Variants in UBR1 observed in about 807,000 individuals in gnomAD.
The protein encoded by UBR1 is E3 ubiquitin-protein ligase UBR1.
In UBR1, 102 loss-of-function variants were observed where a neutral mutation model predicts 242.1. That is an observed-to-expected ratio of 0.42 (90% CI 0.36 to 0.50). UBR1 has a LOEUF of 0.50. Ranked by LOEUF, UBR1 falls within the 20% of genes least tolerant of loss-of-function variation. The pLI is 0.01. For synonymous variants in UBR1, 675 were observed against 684.8 expected (o/e 0.99, Z 0.22); for missense variants, 1,772 against 2,101.8 (o/e 0.84, Z 3.07).
chr15:43,027,686 C>A (rs1308012507), intron 22 of UBR1, 90 bp downstream of exon 22: 3 of 1,239,756 alleles, frequency 2.4e-6, no homozygotes, highest in South Asian at 1.2e-5. Context: ...GGAGTTCAGG[C>A]AAGAACTTCA....
intron 3 of UBR1, among the ~76,000 whole-genome samples, chr15:43,076,813 G>C (rs1399196485): frequency 1.7e-5 from 2 of 120,516 alleles, no homozygotes; most frequent in East Asian, 2.4e-4. Flanking sequence ...CGCCCCGTCC[G>C]GGAGGTGAGG....
chr15:43,097,088 T>C (rs1031269990), intron 1 of UBR1, among the ~76,000 whole-genome samples: 2 of 152,166 alleles, frequency 1.3e-5, no homozygotes, highest in African/African-American at 4.8e-5. Context: ...GAGTTGAGAG[T>C]TGCAATTACT....
chr15:43,065,021 T>C (rs948685196), intron 6 of UBR1, among the ~76,000 whole-genome samples: 8 of 152,214 alleles, frequency 5.3e-5, no homozygotes, highest in African/African-American at 1.4e-4. Context: ...GGTATAAATA[T>C]ATATTTAATA....
rs552370643 is a variant in UBR1 at position 42,963,492 on chromosome 15, T to C, written c.4700+443A>G. On this transcript the variant is annotated intron_variant, in intron 42 of 46. Transcript: ENST00000290650. ...TCTGAAAGAAGGACACATTTCTCTC[T>C]TGGAAATTTAACTGAAGTATTTTTT... Among the ~76,000 whole-genome samples the C allele has an allele frequency of 1.1e-3, 162 of 152,152 alleles. 1 individual carries two copies. The highest frequency in any genetic ancestry group is 1.4e-3 in the Non-Finnish European group (95 of 68,024).
In UBR1 at chr15:43,070,248, TAAAAA is replaced by T. The variant is rs746635905; in HGVS notation, c.659+542_659+546del. Among the ~76,000 whole-genome samples the T allele has an allele frequency of 6.9e-3, 174 of 25,248 alleles. 2 individuals are homozygous for T. The East Asian group carries it at 0.12, about 17-fold the overall frequency. 16.6% of individuals were successfully genotyped at this position (25,248 alleles called of 152,430 possible). ...CTACCAGAAATTGCTGAGTTCTAGC[TAAAAA>T]AAAAAAAAAAAAAAAAAAAAAGCTA... is the stretch of plus-strand genomic sequence containing the variant. On this transcript the variant is annotated intron_variant, in intron 5 of 46. Coordinates refer to ENST00000290650, the MANE Select transcript of UBR1 (RefSeq NM_174916.3).
intron 20 of UBR1, among the ~76,000 whole-genome samples, chr15:43,031,789 A>C (rs1955148119): frequency 6.6e-6 from 1 of 152,172 alleles, no homozygotes; most frequent in Non-Finnish European, 1.5e-5. Context: ...TTGGGAGGCC[A>C]AGGCAGGCAG....
Position 43,105,986 on chromosome 15 carries a change from C to G in UBR1, c.37G>C (p.Glu13Gln). ...GTCTGGGGTAACTCCGCGCTGATTT[C>G]CATCCTCTCAGTACCTCCAGCCTCC... ...DEEAGGTERMEISAELPQTPQ... is the reference protein window; with the variant it reads ...DEEAGGTERMQISAELPQTPQ... Residue 13 changes from glutamate to glutamine, a missense_variant, in exon 1 of 47, where the codon GAA (glutamate) becomes CAA (glutamine). Physicochemically the swap from Glu to Gln is conservative, Grantham distance 29. Transcript: ENST00000290650. The G allele has an allele frequency of 6.2e-7, 1 of 1,614,046 alleles. No individual in the cohort carries two copies. Among genetic ancestry groups the G allele is most frequent in the Non-Finnish European group, 8.5e-7 (1 of 1,180,010 alleles).
chr15:43,055,611 T>C (rs1355472386), intron 11 of UBR1, among the ~76,000 whole-genome samples: 1 of 152,116 alleles, frequency 6.6e-6, no homozygotes, highest in Non-Finnish European at 1.5e-5. Context: ...AACTATCTAA[T>C]TCCAGACAAG....
rs1373216594 is a variant in UBR1, at chr15:42,943,180, T to C, written c.*2149A>G. 2.0e-5 allele frequency: 3 copies of C among 152,550 alleles called. No homozygotes were observed. The highest frequency in any genetic ancestry group is 2.9e-5 in the Non-Finnish European group (2 of 68,034). The allele number at this position is 152,550 out of a possible 1,614,324, so 9.4% of individuals were successfully genotyped here. The stretch of plus-strand genomic sequence containing the variant: ...ATATAATAAATTAATTATACAGATA[T>C]ATTTTTCTTCACCATATCATTAAAA... On this transcript the variant is annotated 3_prime_UTR_variant, in exon 47 of 47. Transcript: ENST00000290650.
chr15:43,064,358 T>C (rs952210394), intron 6 of UBR1, among the ~76,000 whole-genome samples: 2 of 152,200 alleles, frequency 1.3e-5, no homozygotes, highest in African/African-American at 4.8e-5. Context: ...GCTTTTCTGG[T>C]TTGTTCAATA....
At position 43,060,073 on chromosome 15, in the gene UBR1, C is replaced by A; in HGVS notation, c.840G>T (p.Gln280His). The A allele has an allele frequency of 6.2e-7, 1 of 1,614,060 alleles. No homozygotes were observed. Among genetic ancestry groups the A allele is most frequent in the Non-Finnish European group, 8.5e-7 (1 of 1,180,008 alleles). The change falls in exon 7 of 47, where the codon CAG (glutamine) becomes CAT (histidine). Residue 280 changes from glutamine (Q) to histidine (H), a missense_variant. By Grantham distance (24) the Gln-to-His change is conservative. Coordinates refer to ENST00000290650, the MANE Select transcript of UBR1 (RefSeq NM_174916.3). ...AVKAGAYAAC[Q>H]EAKEDIKSHS... ...TTACCTTTATATCTTCCTTTGCTTC[C>A]TGGCAAGCAGCATAAGCTCCCGCTT...
intron 14 of UBR1, among the ~76,000 whole-genome samples, chr15:43,046,468 T>C (rs937884596): frequency 2.6e-5 from 4 of 152,146 alleles, no homozygotes; most frequent in Admixed American, 6.6e-5. Flanking sequence ...GTCCAGATAA[T>C]TCAGGAAGCT....
chr15:43,002,593 C>T lies in UBR1; in HGVS notation c.3621G>A (p.Val1207=). 1 of 1,614,104 alleles carries T rather than the reference C, an allele frequency of 6.2e-7. No homozygotes were observed. The highest frequency in any genetic ancestry group is 1.1e-5 in the South Asian group (1 of 91,080). The part of the protein sequence containing the change: ...CPLCKSLCNT[V]IPIIPLQPQK... ...GAGGTTGCAAAGGAATAATGGGGAT[C>T]ACAGTATTGCACAGAGATTTGCAAA... is the stretch of plus-strand genomic sequence containing the variant. Residue 1207 remains valine, a synonymous_variant, in exon 32 of 47, where the codon GTG becomes GTA. Coordinates refer to ENST00000290650, the MANE Select transcript of UBR1 (RefSeq NM_174916.3).
intron 5 of UBR1, among the ~76,000 whole-genome samples, chr15:43,069,861 T>C (rs2033802745): frequency 6.6e-6 from 1 of 152,186 alleles, no homozygotes. Context: ...CAACATAAAG[T>C]GACTTAAAAG....
At chr15:43,075,794 T>C (rs2033881283) in intron 3 of UBR1, among the ~76,000 whole-genome samples, 1 of 151,982 alleles carries the variant, frequency 6.6e-6, no homozygotes, top group Non-Finnish European at 1.5e-5. Context: ...TTTGTATTTT[T>C]AGTAGAGACG....
At chr15:42,985,718 G>A (rs893819505) in intron 35 of UBR1, among the ~76,000 whole-genome samples, 6 of 152,162 alleles carry the variant, frequency 3.9e-5, no homozygotes, top group Admixed American at 3.9e-4. Context: ...ACCGGGTGCA[G>A]TGGTTCATGC....
chr15:42,958,056 G>A lies in UBR1; in HGVS notation c.4792C>T (p.Pro1598Ser). The A allele has an allele frequency of 6.2e-7, 1 of 1,613,646 alleles. No homozygotes were observed. Among genetic ancestry groups the A allele is most frequent in the Non-Finnish European group, 8.5e-7 (1 of 1,179,864 alleles). Residue 1598 changes from proline (P) to serine (S), a missense_variant, in exon 44 of 47, where the codon CCT becomes TCT. By Grantham distance (74) the Pro-to-Ser change is moderately conservative. Around this residue, in one of 3 missense-constraint regions of UBR1, gnomAD observed 965 missense variants for 1,079.7 expected, o/e 0.89. Transcript: ENST00000290650. ...TTCAGGAGGCAGCTATAGTCATCAG[G>A]AAGCTCTATCAAACTATTTCTTTTT... is the stretch of plus-strand genomic sequence containing the variant. ...PRKRNSLIEL[P>S]DDYSCLLNQA...
chr15:43,083,491 G>A (rs930527896), intron 2 of UBR1, among the ~76,000 whole-genome samples: 2 of 151,834 alleles, frequency 1.3e-5, no homozygotes, highest in South Asian at 2.1e-4. Flanking sequence ...AGTGATTCTC[G>A]AACCTCAGCC....
chr15:42,960,476 A>C (rs2031996439), intron 43 of UBR1, among the ~76,000 whole-genome samples, 169 bp downstream of exon 43: 1 of 152,212 alleles, frequency 6.6e-6, no homozygotes. Context: ...CTCCAAGAAA[A>C]AAACATTTGT....
Sources: allele counts gnomAD v4.1 joint callset (sites outside exome capture counted in the v4.1 genomes callset), GRCh38; gene constraint gnomAD v4.1.1; regional missense constraint gnomAD v4.1.1; transcripts MANE v1.5; gene names NCBI Gene and HGNC (gene_info 2026-07-23, HGNC 2026-07-21).